POLG: variants seen among roughly 807,000 people sequenced by gnomAD.
The protein encoded by POLG is DNA polymerase subunit gamma-1.
A neutral mutation model predicts 155.4 loss-of-function variants in POLG; 110 were observed. The ratio of observed to expected loss-of-function variants is 0.71; its 90% CI spans 0.61 to 0.83. The LOEUF (loss-of-function observed/expected upper bound fraction) is 0.83. POLG is among the 40% of genes least tolerant of loss of function. POLG has a pLI of 0.00. For missense variants in POLG, 1,685 were observed against 1,627.5 expected, an observed-to-expected ratio of 1.04 and a Z score of -0.61; for synonymous variants, 701 against 631.5, an observed-to-expected ratio of 1.11 and a Z score of -1.65.
chr15:89,334,116 A>G, intron 1 of POLG: 1 of 366,984 alleles, frequency 2.7e-6, no homozygotes, highest in Non-Finnish European at 5.1e-6. Flanking sequence ...CAGTGAACCC[A>G]CGTGGGGAAG....
Position 89,325,089 on chromosome 15 carries a change from T to TGAGTGAGA in POLG, c.1949+360_1949+361insTCTCACTC, listed in dbSNP as rs2055465321. Among the ~76,000 whole-genome samples, 8 of 41,242 alleles carry TGAGTGAGA rather than the reference T, an allele frequency of 1.9e-4. 2 individuals are homozygous for TGAGTGAGA. The highest frequency in any genetic ancestry group is 7.1e-4 in the African/African-American group (6 of 8,408). The allele number at this position is 41,242 out of a possible 152,430, so 27.1% of individuals were successfully genotyped here. ...GTGAGTGAGTGAGTGAGTGAGAGAG[T>TGAGTGAGA]GAGTGAGTGAGAGAGTGAGAGAGAG... On this transcript the variant is annotated intron_variant, in intron 10 of 22. Coordinates refer to ENST00000268124, the MANE Select transcript of POLG (RefSeq NM_002693.3).
rs1240584514 is a variant in POLG, at chr15:89,317,420, G to A, written c.3599C>T (p.Pro1200Leu). The A allele has an allele frequency of 2.5e-6, 4 of 1,613,964 alleles. No homozygotes were observed. The African/African-American group carries it at 4.0e-5, about 16-fold the overall frequency. ...CCTTTCCATCCCAGTTGGGTTGGAA[G>A]GGGTTTTACAATCCATGGTCACTTC... Reference protein sequence around the residue: ...RKEVTMDCKTPSNPTGMERRY... With the variant: ...RKEVTMDCKTLSNPTGMERRY... The change falls in exon 22 of 23, where the codon CCT becomes CTT. Residue 1200 changes from proline (P) to leucine (L), a missense_variant. This residue lies in a region of POLG where 470 missense variants were observed against 439.9 expected (regional missense o/e 1.07). Transcript: ENST00000268124.
Position 89,328,681 on chromosome 15 carries a change from A to G in POLG, c.1170+4T>C. 1 of 1,614,074 alleles carries G rather than the reference A, an allele frequency of 6.2e-7. No homozygotes were observed. Among genetic ancestry groups the G allele is most frequent in the Non-Finnish European group, 8.5e-7 (1 of 1,180,024 alleles). On this transcript the variant is annotated splice_donor_region_variant and intron_variant, in intron 5 of 22. Transcript: ENST00000268124. ...TGTCCCCAGAGCCCCCTCCAGCACC[A>G]TACCTGGAAGTTCTCACGAATGTCC...
intron 16 of POLG, among the ~76,000 whole-genome samples, chr15:89,321,461 G>A (rs1029784051): frequency 1.3e-5 from 2 of 152,162 alleles, no homozygotes; most frequent in African/African-American, 2.4e-5. Flanking sequence ...TATGCCTAGC[G>A]CTATGCCAGA....
At position 89,333,540 on chromosome 15, in the gene POLG, T is replaced by C. The variant is rs796052897; in HGVS notation, c.215A>G (p.Asn72Ser). Residue 72 changes from asparagine (N) to serine (S), a missense_variant, in exon 2 of 23, where the codon AAC (asparagine) becomes AGC (serine). Around this residue, in one of 3 missense-constraint regions of POLG, gnomAD observed 1,210 missense variants for 1,167.1 expected, o/e 1.04. Transcript: ENST00000268124. ...LSSEGGQLRH[N>S]PLDIQMLSRG... is the part of the protein sequence containing the mutation. The stretch of plus-strand genomic sequence containing the variant: ...CGAGAGCATCTGGATGTCCAATGGG[T>C]TGTGCCGCAGCTGCCCGCCCTCCGA... 1 of 1,612,746 alleles carries C rather than the reference T, an allele frequency of 6.2e-7. No homozygotes were observed.
rs1201921464 is a variant in POLG at position 89,333,854 on chromosome 15, C to T, written c.-100G>A. On this transcript the variant is annotated 5_prime_UTR_variant, in exon 2 of 23. Transcript: ENST00000268124. ...TGGAAGACGTGGAGAGAGACACGTC[C>T]TGTCTCTGCTCTCCTGTCAGTGAAA... The T allele has an allele frequency of 7.5e-7, 1 of 1,341,098 alleles. No individual in the cohort carries two copies. The allele number at this position is 1,341,098 out of a possible 1,614,324, so 83.1% of individuals were successfully genotyped here.
intron 9 of POLG, among the ~76,000 whole-genome samples, chr15:89,326,184 C>A (rs2152066334): frequency 6.6e-6 from 1 of 152,322 alleles, no homozygotes; most frequent in East Asian, 1.9e-4. Context: ...TGCCCTTTTT[C>A]TCATCTCTGC....
chr15:89,333,764 A>T lies in POLG; in HGVS notation c.-10T>A, dbSNP rs1596362985. On this transcript the variant is annotated 5_prime_UTR_variant, in exon 2 of 23. Transcript: ENST00000268124. ...AGAGCAGGCGGCTCATGGTTGGTGC[A>T]GGGACCCCCACGCTGGGAGTCAGAA... 1.3e-6 allele frequency: 2 copies of T among 1,535,018 alleles called. No individual in the cohort carries two copies. Among genetic ancestry groups the T allele is most frequent in the Non-Finnish European group, 1.7e-6 (2 of 1,146,360 alleles).
At chr15:89,319,385 G>C in intron 18 of POLG, 35 bp from the exon 19 acceptor site, 1 of 1,611,302 alleles carries the variant, frequency 6.2e-7, no homozygotes, top group Admixed American at 1.7e-5. Context: ...TTCCACGGGA[G>C]TGCTTCCTGT....
At position 89,321,728 on chromosome 15, in the gene POLG, T is replaced by C. The variant is rs750243139; in HGVS notation, c.2598+8A>G. The C allele has an allele frequency of 1.3e-6, 2 of 1,597,692 alleles. No individual in the cohort carries two copies. Among genetic ancestry groups the C allele is most frequent in the African/African-American group, 1.3e-5 (1 of 74,504 alleles). ...AGAGCAGGGGCCAGAGGTACAGAGG[T>C]CACATACCCGGGCATTGCTGGCGGT... On this transcript the variant is annotated splice_region_variant and intron_variant, in intron 16 of 22. Transcript: ENST00000268124.
At chr15:89,317,605 A>G (rs1269270424) in intron 21 of POLG, 69 bp from the exon 22 acceptor site, 10 of 1,458,594 alleles carry the variant, frequency 6.9e-6, no homozygotes, top group African/African-American at 1.4e-5. Context: ...TCCTGGAGCA[A>G]TGACCCCACA....
At chr15:89,319,757 C>T (rs530967432) in intron 18 of POLG, among the ~76,000 whole-genome samples, 11 of 152,310 alleles carry the variant, frequency 7.2e-5, no homozygotes, top group Admixed American at 1.3e-4. Context: ...GAATAGGCTA[C>T]TCCCTGAAGG....
chr15:89,323,572 T>G, intron 12 of POLG, 61 bp from the exon 13 acceptor site: 1 of 1,121,848 alleles, frequency 8.9e-7, no homozygotes, highest in Middle Eastern at 2.0e-4. Context: ...GCAAGGGCCA[T>G]GGGGTAGGGG....
rs1230595198 is a variant in POLG, at chr15:89,321,260, G to C, written c.2599C>G (p.Pro867Ala). 5.0e-6 allele frequency: 8 copies of C among 1,613,928 alleles called. No individual in the cohort carries two copies. Among genetic ancestry groups the C allele is most frequent in the African/African-American group, 1.3e-5 (1 of 74,932 alleles). Reference protein sequence around the residue: ...PTWLTASNARPDRVGSELKAM... With the variant: ...PTWLTASNARADRVGSELKAM... The stretch of plus-strand genomic sequence containing the variant: ...TTCAACTCACTGCCTACTCGGTCAG[G>C]CTGTGGGAAGAGTGAGATACCCAAA... Residue 867 changes from proline (P) to alanine (A), a missense_variant and splice_region_variant, in exon 17 of 23, where the codon CCT becomes GCT. Pro to Ala is a conservative substitution (Grantham distance 27). Around this residue, in one of 3 missense-constraint regions of POLG, gnomAD observed 1,210 missense variants for 1,167.1 expected, o/e 1.04. Transcript: ENST00000268124.
Position 89,323,842 on chromosome 15 carries a change from A to G in POLG, c.2130T>C (p.Ala710=). The G allele has an allele frequency of 3.1e-6, 5 of 1,613,974 alleles. No individual in the cohort carries two copies. The highest frequency in any genetic ancestry group is 4.2e-6 in the Non-Finnish European group (5 of 1,179,850). ...GAGCTAGGGGTTGACCTGGCACTGC[A>G]GCTCGCAAGTTCTCCATCTTGGCCT... ...EAEAKMENLR[A]AVPGQPLALT... is the part of the protein sequence containing the mutation. The change falls in exon 12 of 23, where the codon GCT becomes GCC. Residue 710 remains alanine (A), a synonymous_variant. Coordinates refer to ENST00000268124, the MANE Select transcript of POLG (RefSeq NM_002693.3).
At chr15:89,324,638 C>T (rs1026107021) in intron 10 of POLG, among the ~76,000 whole-genome samples, 2 of 152,212 alleles carry the variant, frequency 1.3e-5, no homozygotes, top group Non-Finnish European at 2.9e-5. Flanking sequence ...ACTCAGGCTG[C>T]CCTGAAGAGC....
Position 89,325,066 on chromosome 15 carries a change from G to T in POLG, c.1949+384C>A, listed in dbSNP as rs1275165382. Among the ~76,000 whole-genome samples the T allele has an allele frequency of 6.5e-4, 68 of 104,106 alleles. 12 individuals carry two copies. The highest frequency in any genetic ancestry group is 2.7e-3 in the African/African-American group (62 of 23,122). 68.3% of individuals were successfully genotyped at this position (104,106 alleles called of 152,430 possible). ...TGAGTGAGTGAGTGAGAGAGTGAGT[G>T]AGTGAGTGAGTGAGTGAGAGAGTGA... On this transcript the variant is annotated intron_variant, in intron 10 of 22. Transcript: ENST00000268124.
rs569663875 is a variant in POLG at position 89,334,721 on chromosome 15, C to A, written c.-208G>T. On this transcript the variant is annotated 5_prime_UTR_variant, in exon 1 of 23. Coordinates refer to ENST00000268124, the MANE Select transcript of POLG (RefSeq NM_002693.3). Reference sequence around the variant, plus strand: ...GTCTGCTGCTCCCCCGACCCCAGGCCCACGGCACGGCGTCCCCCTTCGCGC... The same window carrying A: ...GTCTGCTGCTCCCCCGACCCCAGGCACACGGCACGGCGTCCCCCTTCGCGC... 1 of 152,448 alleles carries A rather than the reference C, an allele frequency of 6.6e-6. No homozygotes were observed. The highest frequency in any genetic ancestry group is 2.4e-5 in the African/African-American group (1 of 41,590). 9.4% of individuals were successfully genotyped at this position (152,448 alleles called of 1,614,324 possible).
chr15:89,329,165 C>T (rs1400816621), intron 3 of POLG, 55 bp from the exon 4 acceptor site: 1 of 1,484,474 alleles, frequency 6.7e-7, no homozygotes, highest in Non-Finnish European at 9.2e-7. Context: ...AACTGTGGGG[C>T]CAGCCCACCA....
Sources: gnomAD v4.1 joint callset for allele counts (sites outside exome capture counted in the v4.1 genomes callset) on GRCh38, gnomAD v4.1.1 for gene constraint, gnomAD v4.1.1 regional missense constraint, MANE v1.5 for transcripts, NCBI Gene and HGNC (gene_info 2026-07-23, HGNC 2026-07-21) for gene names.